ST6GAL1: variants seen among roughly 807,000 people sequenced by gnomAD.
ST6GAL1 encodes beta-galactoside alpha-2,6-sialyltransferase 1.
Under a neutral mutation model 38.0 loss-of-function variants are expected in ST6GAL1, and 20 were observed. The ratio of observed to expected loss-of-function variants is 0.53; its 90% CI spans 0.37 to 0.77. The LOEUF is 0.77. Among genes scored for constraint, ST6GAL1 ranks in the 30% least tolerant of loss-of-function variants. ST6GAL1 has a pLI of 0.00. For missense variants in ST6GAL1, 432 were observed against 496.4 expected, an observed-to-expected ratio of 0.87 and a Z score of 1.23; for synonymous variants, 196 against 188.2, an observed-to-expected ratio of 1.04 and a Z score of -0.34.
intron 4 of ST6GAL1, among the ~76,000 whole-genome samples, chr3:187,049,170 C>T (rs757824336): frequency 2.6e-5 from 4 of 152,130 alleles, no homozygotes; most frequent in South Asian, 2.1e-4. Context: ...GGATTACAGG[C>T]GTGAGCTACT....
chr3:187,016,632 T>C (rs1717126043), intron 2 of ST6GAL1, among the ~76,000 whole-genome samples: 1 of 152,180 alleles, frequency 6.6e-6, no homozygotes, highest in Admixed American at 6.5e-5. Context: ...TTGGTCAACA[T>C]GCTCCATTAA....
intron 5 of ST6GAL1, among the ~76,000 whole-genome samples, chr3:187,063,572 A>G (rs941837528): frequency 6.6e-6 from 1 of 152,194 alleles, no homozygotes; most frequent in Middle Eastern, 3.2e-3. Flanking sequence ...TCTGGAGGTG[A>G]GCAGGCAGCA....
At chr3:187,058,273 T>C (rs539732473) in intron 5 of ST6GAL1, among the ~76,000 whole-genome samples, 289 of 152,326 alleles carry the variant, frequency 1.9e-3, no homozygotes, top group Non-Finnish European at 3.5e-3. Context: ...TGCCCCACCC[T>C]GCTTTGGCTC....
intron 5 of ST6GAL1, among the ~76,000 whole-genome samples, chr3:187,052,229 A>G (rs968986584): frequency 1.3e-5 from 2 of 151,716 alleles, no homozygotes; most frequent in Non-Finnish European, 2.9e-5. Flanking sequence ...ACTTTCAGGA[A>G]CTCACCAGCT....
chr3:187,062,607 A>AC (rs1553835871), intron 5 of ST6GAL1, among the ~76,000 whole-genome samples: 5 of 74,332 alleles, frequency 6.7e-5, no homozygotes, highest in East Asian at 5.4e-4. Context: ...CACACACACA[A>AC]AATACTATAT....
intron 2 of ST6GAL1, among the ~76,000 whole-genome samples, chr3:186,984,590 C>A (rs1452749074): frequency 6.6e-6 from 1 of 152,140 alleles, no homozygotes; most frequent in African/African-American, 2.4e-5. Flanking sequence ...TATTGTGGGA[C>A]TCATTCCTCC....
At chr3:186,956,390 A>G (rs1714751949) in intron 1 of ST6GAL1, among the ~76,000 whole-genome samples, 1 of 152,104 alleles carries the variant, frequency 6.6e-6, no homozygotes, top group African/African-American at 2.4e-5. Flanking sequence ...CTTCCTGGTA[A>G]ATTAGTATTT....
intron 2 of ST6GAL1, chr3:186,986,352 G>A (rs1183427022): frequency 6.6e-6 from 1 of 152,150 alleles, no homozygotes; most frequent in Non-Finnish European, 1.5e-5. Context: ...GGCACATAGT[G>A]TTGAATATTG....
At chr3:187,001,395 G>C (rs1716611351) in intron 2 of ST6GAL1, among the ~76,000 whole-genome samples, 1 of 152,110 alleles carries the variant, frequency 6.6e-6, no homozygotes, top group Non-Finnish European at 1.5e-5. Flanking sequence ...ATTGCAGTGG[G>C]GATTAAATCT....
At chr3:187,018,148 G>A (rs1717180102) in intron 2 of ST6GAL1, among the ~76,000 whole-genome samples, 2 of 152,090 alleles carry the variant, frequency 1.3e-5, no homozygotes, top group Admixed American at 1.3e-4. Context: ...GCTGGTATCT[G>A]TTTGATCTGA....
At chr3:187,066,480 A>G (rs1719136360) in intron 5 of ST6GAL1, among the ~76,000 whole-genome samples, 1 of 152,158 alleles carries the variant, frequency 6.6e-6, no homozygotes, top group Admixed American at 6.5e-5. Flanking sequence ...ATTAGGGATT[A>G]GGGCTTCAAC....
chr3:187,050,822 A>G (rs1472958674), intron 4 of ST6GAL1, among the ~76,000 whole-genome samples: 1 of 152,170 alleles, frequency 6.6e-6, no homozygotes, highest in East Asian at 1.9e-4. Context: ...CACTTGTGGG[A>G]TACACTGAAC....
At chr3:187,027,266 G>A (rs893959138) in intron 2 of ST6GAL1, among the ~76,000 whole-genome samples, 1 of 152,024 alleles carries the variant, frequency 6.6e-6, no homozygotes, top group Non-Finnish European at 1.5e-5. Flanking sequence ...ATCTTGAAAA[G>A]CTTTCTCAGC....
At chr3:187,061,553 G>GAAAT (rs1057351642) in intron 5 of ST6GAL1, among the ~76,000 whole-genome samples, 2 of 152,160 alleles carry the variant, frequency 1.3e-5, no homozygotes, top group Non-Finnish European at 2.9e-5. Context: ...TAAAAGTCCA[G>GAAAT]AAATAAAGTC....
At position 187,028,331 on chromosome 3, in the gene ST6GAL1, G is replaced by A. The variant is rs986271848; in HGVS notation, c.-182-10411G>A. Among the ~76,000 whole-genome samples the A allele has an allele frequency of 4.6e-5, 7 of 152,048 alleles. No homozygotes were observed. In the South Asian group the frequency reaches 6.2e-4, roughly 14 times the overall value. The stretch of plus-strand genomic sequence containing the variant: ...AGTAAAACAGAAACAATTGTCTATC[G>A]TGACTTTTTTCTTCAAGCTCTTTAA... On this transcript the variant is annotated intron_variant, in intron 2 of 7. Coordinates refer to ENST00000169298, the MANE Select transcript of ST6GAL1 (RefSeq NM_173216.2).
intron 5 of ST6GAL1, chr3:187,064,503 T>C (rs1303782139): frequency 2.2e-6 from 1 of 456,506 alleles, no homozygotes; most frequent in East Asian, 6.9e-5. Flanking sequence ...CAGATTTTTT[T>C]CCCATTACAC....
At chr3:187,055,333 C>T (rs1249709152) in intron 5 of ST6GAL1, among the ~76,000 whole-genome samples, 1 of 150,818 alleles carries the variant, frequency 6.6e-6, no homozygotes, top group Non-Finnish European at 1.5e-5. Flanking sequence ...TTAGTTATTT[C>T]TTGCCTTCTG....
rs937933818 is a variant in ST6GAL1 at position 187,054,264 on chromosome 3, C to T, written c.705+2918C>T. On this transcript the variant is annotated intron_variant, in intron 5 of 7. Coordinates refer to ENST00000169298, the MANE Select transcript of ST6GAL1 (RefSeq NM_173216.2). ...CTGCAAACAGGGACAGTTCGACTTC[C>T]TCTTTTCCTAATTGAATACCCTTTA... Among the ~76,000 whole-genome samples the T allele has an allele frequency of 2.6e-5, 4 of 152,134 alleles. No individual in the cohort carries two copies. The South Asian group carries it at 6.2e-4, about 24-fold the overall frequency.
chr3:187,074,373 C>T (rs1719490798), intron 7 of ST6GAL1, 40 bp downstream of exon 7: 1 of 1,491,556 alleles, frequency 6.7e-7, no homozygotes, highest in East Asian at 2.5e-5. Flanking sequence ...ATGTTTGTTT[C>T]TAGAAGAGAT....
Sources: allele counts gnomAD v4.1 joint callset (sites outside exome capture counted in the v4.1 genomes callset), GRCh38; gene constraint gnomAD v4.1.1; transcripts MANE v1.5; gene names NCBI Gene and HGNC (gene_info 2026-07-23, HGNC 2026-07-21).